The following PTCHD4 variants were observed in gnomAD, a reference collection of about 807,000 sequenced individuals.
The protein encoded by PTCHD4 is patched domain-containing protein 4.
A neutral mutation model predicts 58.1 loss-of-function variants in PTCHD4; 33 were observed. The observed-to-expected ratio is 0.57, with a 90% confidence interval of 0.43 to 0.76. The LOEUF is 0.76. Among genes scored for constraint, PTCHD4 ranks in the 30% least tolerant of loss-of-function variants. PTCHD4 has a pLI of 0.00. For synonymous variants in PTCHD4, 478 were observed against 409.6 expected, an observed-to-expected ratio of 1.17 and a Z score of -2.02; for missense variants, 1,058 against 1,027.1, an observed-to-expected ratio of 1.03 and a Z score of -0.41.
Position 47,877,826 on chromosome 6 carries a change from T to C in PTCHD4, c.*477A>G, listed in dbSNP as rs1180134064. Among the ~76,000 whole-genome samples the C allele has an allele frequency of 6.6e-6, 1 of 152,032 alleles. No individual in the cohort carries two copies. The highest frequency in any genetic ancestry group is 2.4e-5 in the African/African-American group (1 of 41,426). ...CACATAAAATGGATTGGGAAGTCCT[T>C]TGGTTTAGACAGTATTAAATATGTA... On this transcript the variant is annotated 3_prime_UTR_variant, in exon 5 of 5. Coordinates refer to ENST00000339488, the MANE Select transcript of PTCHD4 (RefSeq NM_001384253.1).
intron 3 of PTCHD4, among the ~76,000 whole-genome samples, chr6:48,034,544 G>C (rs182840813): frequency 6.6e-6 from 1 of 152,198 alleles, no homozygotes; most frequent in African/African-American, 2.4e-5. Context: ...ATAGAACAAG[G>C]CTGAGGGTGG....
intron 1 of PTCHD4, among the ~76,000 whole-genome samples, chr6:48,083,050 C>A (rs1401151425): frequency 2.0e-5 from 3 of 151,018 alleles, no homozygotes; most frequent in African/African-American, 7.3e-5. Flanking sequence ...TAATTACCGG[C>A]ATATTTGCAC....
At position 48,091,536 on chromosome 6, in the gene PTCHD4, C is replaced by T. The variant is rs559445835; in HGVS notation, c.-970+19513G>A. Among the ~76,000 whole-genome samples the T allele has an allele frequency of 2.4e-4, 36 of 152,296 alleles. No homozygotes were observed. In the South Asian group the frequency reaches 7.0e-3, roughly 30 times the overall value. On this transcript the variant is annotated intron_variant, in intron 1 of 4. Coordinates refer to ENST00000339488, the MANE Select transcript of PTCHD4 (RefSeq NM_001384253.1). ...TGGTAGCATCAGCATCACCTGAGTACAGAACTTTGGACCACACCCAAGGTC... is the reference window on the plus strand; with the variant it reads ...TGGTAGCATCAGCATCACCTGAGTATAGAACTTTGGACCACACCCAAGGTC...
At chr6:48,061,209 T>A (rs1764616230) in intron 3 of PTCHD4, among the ~76,000 whole-genome samples, 1 of 151,288 alleles carries the variant, frequency 6.6e-6, no homozygotes, top group Non-Finnish European at 1.5e-5. Flanking sequence ...ATGCTGCTGA[T>A]TTTTTTTTCT....
intron 4 of PTCHD4, among the ~76,000 whole-genome samples, chr6:47,916,395 A>G (rs1337801240): frequency 6.6e-6 from 1 of 151,936 alleles, no homozygotes; most frequent in East Asian, 1.9e-4. Context: ...AACCACCCCC[A>G]TCATCCAGGC....
chr6:48,062,332 T>C (rs1764658765), intron 3 of PTCHD4, among the ~76,000 whole-genome samples: 1 of 152,128 alleles, frequency 6.6e-6, no homozygotes, highest in East Asian at 1.9e-4. Flanking sequence ...GGGTATGTCT[T>C]TGAGTTCTAC....
chr6:47,861,290 T>C lies in PTCHD4; in HGVS notation c.*17013A>G, dbSNP rs1428725125. Among the ~76,000 whole-genome samples the C allele has an allele frequency of 6.6e-6, 1 of 151,986 alleles. No homozygotes were observed. Among genetic ancestry groups the C allele is most frequent in the Admixed American group, 6.6e-5 (1 of 15,224 alleles). On this transcript the variant is annotated 3_prime_UTR_variant, in exon 5 of 5. Transcript: ENST00000339488. ...ACGACTCATTAACACTCCTTGCTGA[T>C]GTTCTTTCATAAAACTATTTTTTAA... is the stretch of plus-strand genomic sequence containing the variant.
chr6:47,932,039 A>ACTG (rs1314338639), intron 4 of PTCHD4, among the ~76,000 whole-genome samples: 9 of 146,436 alleles, frequency 6.1e-5, no homozygotes, highest in South Asian at 4.3e-4. Context: ...CACCATGGGG[A>ACTG]CTGCTCCTAC....
intron 1 of PTCHD4, among the ~76,000 whole-genome samples, chr6:48,099,527 A>G (rs1362154378): frequency 6.6e-6 from 1 of 152,226 alleles, no homozygotes; most frequent in East Asian, 1.9e-4. Context: ...AATATAGAAT[A>G]TAAATCCTAG....
chr6:48,050,451 A>C (rs1764190803), intron 3 of PTCHD4, among the ~76,000 whole-genome samples: 1 of 152,014 alleles, frequency 6.6e-6, no homozygotes, highest in South Asian at 2.1e-4. Flanking sequence ...ATGGCTGGTC[A>C]ATGCTTTAGG....
At chr6:48,028,013 C>T (rs1763304513) in intron 3 of PTCHD4, among the ~76,000 whole-genome samples, 1 of 152,092 alleles carries the variant, frequency 6.6e-6, no homozygotes, top group Admixed American at 6.6e-5. Flanking sequence ...GCGATCTCTG[C>T]TCACTATAAC....
chr6:47,927,122 C>T (rs1214522834), intron 4 of PTCHD4, among the ~76,000 whole-genome samples: 2 of 152,148 alleles, frequency 1.3e-5, no homozygotes, highest in Non-Finnish European at 2.9e-5. Context: ...CATCATTTCT[C>T]AGGACTAACC....
intron 1 of PTCHD4, among the ~76,000 whole-genome samples, 160 bp downstream of exon 1, chr6:48,110,889 C>T (rs564686088): frequency 2.6e-5 from 4 of 151,182 alleles, no homozygotes; most frequent in Admixed American, 2.0e-4. Context: ...TCTCATTCTG[C>T]AGAACATTTT....
chr6:48,041,018 T>C (rs533283183), intron 3 of PTCHD4, among the ~76,000 whole-genome samples: 3 of 152,096 alleles, frequency 2.0e-5, no homozygotes, highest in Non-Finnish European at 2.9e-5. Context: ...ATTACGGCAG[T>C]TCCATTTTGA....
intron 3 of PTCHD4, among the ~76,000 whole-genome samples, chr6:48,036,128 C>G (rs1763625622): frequency 6.6e-6 from 1 of 151,922 alleles, no homozygotes; most frequent in Admixed American, 6.6e-5. Flanking sequence ...AAATTTCACA[C>G]CAGGAAAATG....
intron 3 of PTCHD4, among the ~76,000 whole-genome samples, chr6:48,026,591 C>T (rs1178536526): frequency 2.0e-5 from 3 of 152,234 alleles, no homozygotes; most frequent in Non-Finnish European, 2.9e-5. Context: ...TCCCTTCACA[C>T]TTTGGTTCCT....
In PTCHD4 at chr6:47,868,594, C is replaced by T. The variant is rs1478482443; in HGVS notation, c.*9709G>A. The stretch of plus-strand genomic sequence containing the variant: ...GCTTCATAGTTTGGCATGTCAGTTG[C>T]CATTTTTAAAATAAAATCAGTGGAG... On this transcript the variant is annotated 3_prime_UTR_variant, in exon 5 of 5. Coordinates refer to ENST00000339488, the MANE Select transcript of PTCHD4 (RefSeq NM_001384253.1). Among the ~76,000 whole-genome samples, 5 of 151,678 alleles carry T rather than the reference C, an allele frequency of 3.3e-5. No homozygotes were observed. Among genetic ancestry groups the T allele is most frequent in the African/African-American group, 1.2e-4 (5 of 41,358 alleles).
chr6:48,016,827 G>C (rs1013740095), intron 3 of PTCHD4, among the ~76,000 whole-genome samples: 1 of 152,126 alleles, frequency 6.6e-6, no homozygotes, highest in Non-Finnish European at 1.5e-5. Flanking sequence ...ATAGTGCAGA[G>C]AAAAAAATTA....
At chr6:48,053,643 C>T (rs552358259) in intron 3 of PTCHD4, among the ~76,000 whole-genome samples, 279 of 152,060 alleles carry the variant, frequency 1.8e-3, no homozygotes, top group African/African-American at 6.6e-3. Flanking sequence ...AAATGAATGC[C>T]CTTGCATTAA....
Sources: gnomAD v4.1 joint callset for allele counts (sites outside exome capture counted in the v4.1 genomes callset) on GRCh38, gnomAD v4.1.1 for gene constraint, MANE v1.5 for transcripts, NCBI Gene and HGNC (gene_info 2026-07-23, HGNC 2026-07-21) for gene names.